Variants in ADD2 observed in about 807,000 individuals in gnomAD.
The protein encoded by ADD2 is adducin 2.
In ADD2, 23 loss-of-function variants were observed where a neutral mutation model predicts 83.0. That is an observed-to-expected ratio of 0.28 (90% CI 0.20 to 0.39). The LOEUF is 0.39. Among genes scored for constraint, ADD2 ranks in the 10% least tolerant of loss-of-function variants. The pLI is 1.00. For missense variants in ADD2, 758 were observed against 944.9 expected (o/e 0.80, Z 2.59); for synonymous variants, 375 against 375.4 (o/e 1.00, Z 0.01).
chr2:70,677,922 C>T (rs1670256301), intron 11 of ADD2, 45 bp from the exon 12 acceptor site: 1 of 1,611,990 alleles, frequency 6.2e-7, no homozygotes, highest in Non-Finnish European at 8.5e-7. Context: ...GGAACAGGCC[C>T]ATGAGTCCTC....
At chr2:70,685,221 C>A (rs1472440282) in intron 9 of ADD2, among the ~76,000 whole-genome samples, 4 of 152,072 alleles carry the variant, frequency 2.6e-5, no homozygotes, top group African/African-American at 9.7e-5. Flanking sequence ...TGAAAAAATC[C>A]AATTTAACCT....
intron 1 of ADD2, among the ~76,000 whole-genome samples, chr2:70,737,820 TTC>T (rs782749394): frequency 9.9e-5 from 15 of 152,214 alleles, no homozygotes; most frequent in Non-Finnish European, 1.8e-4. Flanking sequence ...CAAAAAATTC[TTC>T]TGATTGTGAT....
In ADD2 at chr2:70,662,285, T is replaced by C. The variant is rs575073373; in HGVS notation, c.*1140A>G. The C allele has an allele frequency of 6.6e-6, 1 of 152,346 alleles. No individual in the cohort carries two copies. The highest frequency in any genetic ancestry group is 1.5e-5 in the Non-Finnish European group (1 of 68,040). 9.4% of individuals were successfully genotyped at this position (152,346 alleles called of 1,614,324 possible). A position where few individuals can be genotyped will look rare whatever the true frequency, so the allele number is the denominator to read the frequency against. ...GGACAGATAGGGACAAGGACAGGGA[T>C]ACCCAGCATTTCTCTGAGAGCTGGT... On this transcript the variant is annotated 3_prime_UTR_variant, in exon 16 of 16. Coordinates refer to ENST00000264436, the MANE Select transcript of ADD2 (RefSeq NM_001617.4).
At chr2:70,722,672 C>T (rs1672789277) in intron 1 of ADD2, among the ~76,000 whole-genome samples, 1 of 151,876 alleles carries the variant, frequency 6.6e-6, no homozygotes, top group Non-Finnish European at 1.5e-5. Context: ...TGTGCATAGC[C>T]CCCAAACAGG....
chr2:70,731,249 T>C (rs1349385611), intron 1 of ADD2, among the ~76,000 whole-genome samples: 2 of 151,844 alleles, frequency 1.3e-5, no homozygotes, highest in Non-Finnish European at 2.9e-5. Context: ...GGAAGAAATG[T>C]CTGCTTACCC....
chr2:70,768,000 A>T lies in ADD2; in HGVS notation c.-268T>A. ...AATCCACCCAGCTAATCTGCAGGGCAGCGTTTTCTGCCCATGCTGCAGCCC... is the reference window on the plus strand; with the variant it reads ...AATCCACCCAGCTAATCTGCAGGGCTGCGTTTTCTGCCCATGCTGCAGCCC... On this transcript the variant is annotated 5_prime_UTR_variant, in exon 1 of 16. Coordinates refer to ENST00000264436, the MANE Select transcript of ADD2 (RefSeq NM_001617.4). 6.5e-7 allele frequency: 1 copy of T among 1,527,534 alleles called. No homozygotes were observed. Among genetic ancestry groups the T allele is most frequent in the Admixed American group, 2.0e-5 (1 of 50,670 alleles). 94.6% of individuals were successfully genotyped at this position (1,527,534 alleles called of 1,614,324 possible).
intron 8 of ADD2, 133 bp downstream of exon 8, chr2:70,690,653 A>G (rs1393047118): frequency 2.9e-5 from 29 of 1,010,810 alleles, no homozygotes; most frequent in Non-Finnish European, 2.4e-5. Flanking sequence ...ATCTCAGGGT[A>G]GTGGGATAGA....
At chr2:70,693,488 G>C (rs150591166) in intron 6 of ADD2, among the ~76,000 whole-genome samples, 322 of 152,320 alleles carry the variant, frequency 2.1e-3, no homozygotes, top group African/African-American at 7.3e-3. Flanking sequence ...AGTCCAGGCA[G>C]ACAAGATGGG....
rs1675439729 is a variant in ADD2 at position 70,658,698 on chromosome 2, A to G, written c.*4727T>C. 1 of 152,160 alleles carries G rather than the reference A, an allele frequency of 6.6e-6. No homozygotes were observed. The highest frequency in any genetic ancestry group is 6.5e-5 in the Admixed American group (1 of 15,268). The allele number at this position is 152,160 out of a possible 1,614,324, so 9.4% of individuals were successfully genotyped here. On this transcript the variant is annotated 3_prime_UTR_variant, in exon 16 of 16. Transcript: ENST00000264436. Reference sequence around the variant, plus strand: ...GAATGTAAAAAGACCTGTTTCCTCTATGCTCAGTCAACTGCGACTGTGCCA... The same window carrying G: ...GAATGTAAAAAGACCTGTTTCCTCTGTGCTCAGTCAACTGCGACTGTGCCA...
At chr2:70,749,090 G>T (rs570771066) in intron 1 of ADD2, among the ~76,000 whole-genome samples, 2 of 152,258 alleles carry the variant, frequency 1.3e-5, no homozygotes, top group East Asian at 3.9e-4. Context: ...TGCATGGCTG[G>T]TGAGGCCTCA....
chr2:70,663,274 G>T lies in ADD2; in HGVS notation c.*151C>A. Reference sequence around the variant, plus strand: ...TTCTCTTGGGCAACTGTAAAACGAAGGGTTGGTCGGGTGATCTCTAAGTTC... The same window carrying T: ...TTCTCTTGGGCAACTGTAAAACGAATGGTTGGTCGGGTGATCTCTAAGTTC... On this transcript the variant is annotated 3_prime_UTR_variant, in exon 16 of 16. Coordinates refer to ENST00000264436, the MANE Select transcript of ADD2 (RefSeq NM_001617.4). 1 of 878,180 alleles carries T rather than the reference G, an allele frequency of 1.1e-6. No homozygotes were observed. Among genetic ancestry groups the T allele is most frequent in the Non-Finnish European group, 1.7e-6 (1 of 574,588 alleles). The allele number at this position is 878,180 out of a possible 1,614,324, so 54.4% of individuals were successfully genotyped here.
intron 7 of ADD2, among the ~76,000 whole-genome samples, 187 bp from the exon 8 acceptor site, chr2:70,691,116 G>A (rs1671013401): frequency 6.6e-6 from 1 of 152,178 alleles, no homozygotes; most frequent in Non-Finnish European, 1.5e-5. Flanking sequence ...GTGTCACGCT[G>A]CTTGCTCTAG....
intron 1 of ADD2, among the ~76,000 whole-genome samples, chr2:70,759,197 A>G (rs1364636318): frequency 4.6e-5 from 7 of 152,170 alleles, no homozygotes; most frequent in Non-Finnish European, 7.4e-5. Context: ...ATTTGTATTC[A>G]GGTACCTAGA....
intron 1 of ADD2, among the ~76,000 whole-genome samples, chr2:70,745,975 C>G (rs1282227699): frequency 6.6e-6 from 1 of 152,096 alleles, no homozygotes; most frequent in Non-Finnish European, 1.5e-5. Context: ...TTTTGAAAAC[C>G]TACAGGTTAT....
chr2:70,721,396 T>G (rs797037908), intron 1 of ADD2, among the ~76,000 whole-genome samples: 11 of 152,230 alleles, frequency 7.2e-5, no homozygotes, highest in African/African-American at 2.7e-4. Context: ...AAGCCATGTC[T>G]TTTTGAACCA....
intron 10 of ADD2, among the ~76,000 whole-genome samples, chr2:70,679,735 C>T (rs1234325488): frequency 1.3e-5 from 2 of 152,022 alleles, no homozygotes; most frequent in African/African-American, 2.4e-5. Context: ...TATGCAAACT[C>T]TCACCCCAGA....
chr2:70,696,545 G>A, intron 4 of ADD2, 149 bp from the exon 5 acceptor site: 1 of 1,060,034 alleles, frequency 9.4e-7, no homozygotes, highest in South Asian at 1.6e-5. Context: ...CTTACCTGGG[G>A]CAGGAGTCCA....
chr2:70,747,437 T>C (rs1258553445), intron 1 of ADD2, among the ~76,000 whole-genome samples: 2 of 149,522 alleles, frequency 1.3e-5, no homozygotes, highest in African/African-American at 2.5e-5. Flanking sequence ...CATCATGCCA[T>C]GTGCTCTCCC....
intron 9 of ADD2, 129 bp from the exon 10 acceptor site, chr2:70,683,896 A>C: frequency 9.8e-7 from 1 of 1,016,782 alleles, no homozygotes; most frequent in South Asian, 2.6e-5. Flanking sequence ...AGAAAGAGCC[A>C]CCCATACTTG....
Sources: gnomAD v4.1 joint callset for allele counts (sites outside exome capture counted in the v4.1 genomes callset) on GRCh38, gnomAD v4.1.1 for gene constraint, MANE v1.5 for transcripts, NCBI Gene and HGNC (gene_info 2026-07-23, HGNC 2026-07-21) for gene names.